Variants in GPX7 observed in about 807,000 individuals in gnomAD.
The protein encoded by GPX7 is glutathione peroxidase 7, also known as protein peroxidase GPX7.
GPX7 carries 21 observed loss-of-function variants against 23.7 expected under a neutral mutation model. The ratio of observed to expected loss-of-function variants is 0.89; its 90% CI spans 0.63 to 1.28. The LOEUF (loss-of-function observed/expected upper bound fraction) is 1.28. Among genes scored for constraint, GPX7 ranks in the 50% most tolerant of loss-of-function variants. The probability of loss-of-function intolerance (pLI) is 0.00; values close to 1 mark genes in which losing one functional copy is unlikely to be tolerated. For missense variants in GPX7, 238 were observed against 237.3 expected, an observed-to-expected ratio of 1.00 and a Z score of -0.02; for synonymous variants, 112 against 101.8, an observed-to-expected ratio of 1.10 and a Z score of -0.61.
intron 1 of GPX7, among the ~76,000 whole-genome samples, chr1:52,605,987 A>G (rs1161315737): frequency 6.6e-6 from 1 of 152,186 alleles, no homozygotes; most frequent in Non-Finnish European, 1.5e-5. Context: ...AAGTGGTGTT[A>G]GTTCTCTGGA....
chr1:52,608,373 A>G lies in GPX7; in HGVS notation c.512A>G (p.Gln171Arg), dbSNP rs776807448. Reference sequence around the variant, plus strand: ...GTGTCAGTGGAGGAGGTCAGACCCCAGATCACAGCGCTCGTGAGGAAGCTC... The same window carrying G: ...GTGTCAGTGGAGGAGGTCAGACCCCGGATCACAGCGCTCGTGAGGAAGCTC... ...PTVSVEEVRP[Q>R]ITALVRKLIL... Residue 171 changes from glutamine to arginine, a missense_variant, in exon 3 of 3, where the codon CAG (glutamine) becomes CGG (arginine). By Grantham distance (43) the Gln-to-Arg change is conservative (BLOSUM62 1). Coordinates refer to ENST00000361314, the MANE Select transcript of GPX7 (RefSeq NM_015696.5). 7 of 1,614,076 alleles carry G rather than the reference A, an allele frequency of 4.3e-6. No homozygotes were observed. Among genetic ancestry groups the G allele is most frequent in the Non-Finnish European group, 5.9e-6 (7 of 1,179,966 alleles).
At chr1:52,602,573 C>G (rs1274216736) in intron 1 of GPX7, 26 bp downstream of exon 1, 1 of 1,496,758 alleles carries the variant, frequency 6.7e-7, no homozygotes. Context: ...CTGGCGGCGC[C>G]GCTGGGCCCG....
chr1:52,607,656 A>C (rs1425023626), intron 2 of GPX7, among the ~76,000 whole-genome samples: 8 of 152,218 alleles, frequency 5.3e-5, no homozygotes, highest in Admixed American at 4.6e-4. Flanking sequence ...GAGAAGCAAG[A>C]GTGCAGCAAA....
intron 1 of GPX7, among the ~76,000 whole-genome samples, chr1:52,603,070 G>A (rs1417822923): frequency 6.6e-6 from 1 of 152,174 alleles, no homozygotes; most frequent in Non-Finnish European, 1.5e-5. Flanking sequence ...ATCCCTGGGA[G>A]AGGGCACAAA....
At position 52,606,774 on chromosome 1, in the gene GPX7, C is replaced by A; in HGVS notation, c.229C>A (p.His77Asn). 6.2e-7 allele frequency: 1 copy of A among 1,614,190 alleles called. No homozygotes were observed. Among genetic ancestry groups the A allele is most frequent in the African/African-American group, 1.3e-5 (1 of 75,042 alleles). ...LQQLQRDLGP[H>N]HFNVLAFPCN... ...GCAGCTGCAGCGAGACCTGGGCCCC[C>A]ACCACTTTAACGTGCTCGCCTTCCC... The change falls in exon 2 of 3, where the codon CAC becomes AAC. Residue 77 changes from histidine (H) to asparagine (N), a missense_variant. His to Asn is a moderately conservative substitution (Grantham distance 68). Transcript: ENST00000361314.
chr1:52,608,552 C>A lies in GPX7; in HGVS notation c.*127C>A. The A allele has an allele frequency of 1.4e-6, 1 of 721,158 alleles. No homozygotes were observed. Among genetic ancestry groups the A allele is most frequent in the African/African-American group, 1.8e-5 (1 of 55,170 alleles). The allele number at this position is 721,158 out of a possible 1,614,324, so 44.7% of individuals were successfully genotyped here. ...CTTCCTTTACTCTTATGCCATTGGTCCCATCATTCTTGTGGGGGAAAAATT... is the reference window on the plus strand; with the variant it reads ...CTTCCTTTACTCTTATGCCATTGGTACCATCATTCTTGTGGGGGAAAAATT... On this transcript the variant is annotated 3_prime_UTR_variant, in exon 3 of 3. Coordinates refer to ENST00000361314, the MANE Select transcript of GPX7 (RefSeq NM_015696.5).
intron 1 of GPX7, among the ~76,000 whole-genome samples, chr1:52,603,842 C>G (rs3753753): frequency 0.78 from 119,005 of 152,044 alleles, 46,889 homozygotes; most frequent in African/African-American, 0.88. Context: ...TTTGGTGGAT[C>G]CCAGCAGGAA....
chr1:52,606,939 C>G lies in GPX7; in HGVS notation c.394C>G (p.Leu132Val), dbSNP rs749207898. 1.2e-6 allele frequency: 2 copies of G among 1,614,080 alleles called. No homozygotes were observed. The highest frequency in any genetic ancestry group is 1.7e-6 in the Non-Finnish European group (2 of 1,179,936). ...GTGAHPAFKYLAQTSGKEPTW... is the reference protein window; with the variant it reads ...GTGAHPAFKYVAQTSGKEPTW... ...TGGTGCCCATCCTGCCTTCAAGTACCTGGCCCGTAAGTCCTGGTCTCTTCA... is the reference window on the plus strand; with the variant it reads ...TGGTGCCCATCCTGCCTTCAAGTACGTGGCCCGTAAGTCCTGGTCTCTTCA... Residue 132 changes from leucine (L) to valine (V), a missense_variant, in exon 2 of 3, where the codon CTG becomes GTG. Physicochemically the swap from Leu to Val is conservative, Grantham distance 32 (BLOSUM62 1). Coordinates refer to ENST00000361314, the MANE Select transcript of GPX7 (RefSeq NM_015696.5).
intron 1 of GPX7, among the ~76,000 whole-genome samples, chr1:52,604,588 G>C (rs1299312741): frequency 6.6e-6 from 1 of 152,172 alleles, no homozygotes; most frequent in African/African-American, 2.4e-5. Flanking sequence ...GTCTGTGTCT[G>C]TGCTTGTATA....
In GPX7 at chr1:52,602,565, G is replaced by A. The variant is rs577603011; in HGVS notation, c.138+18G>A. ...GCGGATCGGTGAGTGCGCGGGGTCT[G>A]GCGGCGCCGCTGGGCCCGGCCTCGC... On this transcript the variant is annotated intron_variant, in intron 1 of 2. Transcript: ENST00000361314. 7 of 1,527,398 alleles carry A rather than the reference G, an allele frequency of 4.6e-6. No individual in the cohort carries two copies. In the East Asian group the frequency reaches 1.9e-4, roughly 42 times the overall value. The allele number at this position is 1,527,398 out of a possible 1,614,324, so 94.6% of individuals were successfully genotyped here. A position where few individuals can be genotyped will look rare whatever the true frequency, so the allele number is the denominator to read the frequency against.
intron 1 of GPX7, among the ~76,000 whole-genome samples, chr1:52,603,872 C>A (rs556282758): frequency 1.3e-5 from 2 of 152,222 alleles, no homozygotes; most frequent in African/African-American, 4.8e-5. Flanking sequence ...GAACTCTGGG[C>A]AAAGAACCAA....
intron 2 of GPX7, chr1:52,607,176 C>T (rs1393994961): frequency 2.5e-5 from 14 of 567,928 alleles, no homozygotes; most frequent in Non-Finnish European, 3.1e-5. Flanking sequence ...CTGCCTCTCA[C>T]TTGTCCCTCA....
chr1:52,607,010 C>A (rs1370408348), intron 2 of GPX7, 65 bp downstream of exon 2: 19 of 1,557,724 alleles, frequency 1.2e-5, no homozygotes, highest in Non-Finnish European at 2.6e-6. Context: ...GCTCCCTGGG[C>A]AGCAGAAGCC....
At position 52,602,544 on chromosome 1, in the gene GPX7, A is replaced by T. The variant is rs150886014; in HGVS notation, c.135A>T (p.Gly45=). Residue 45 remains glycine, a synonymous_variant, in exon 1 of 3, where the codon GGA becomes GGT. Transcript: ENST00000361314. ...TGGTGTCGCTGGAGAAGTACCGCGG[A>T]TCGGTGAGTGCGCGGGGTCTGGCGG... The part of the protein sequence containing the change: ...GKLVSLEKYR[G]SVSLVVNVAS... 15 of 1,556,582 alleles carry T rather than the reference A, an allele frequency of 9.6e-6. No homozygotes were observed. The highest frequency in any genetic ancestry group is 1.3e-5 in the Non-Finnish European group (15 of 1,155,554).
chr1:52,608,319 G>T lies in GPX7; in HGVS notation c.458G>T (p.Gly153Val). 1 of 1,614,012 alleles carries T rather than the reference G, an allele frequency of 6.2e-7. No individual in the cohort carries two copies. The highest frequency in any genetic ancestry group is 1.1e-5 in the South Asian group (1 of 91,070). The change falls in exon 3 of 3, where the codon GGA becomes GTA. Residue 153 changes from glycine (G) to valine (V), a missense_variant. Coordinates refer to ENST00000361314, the MANE Select transcript of GPX7 (RefSeq NM_015696.5). ...NFWKYLVAPDGKVVGAWDPTV... is the reference protein window; with the variant it reads ...NFWKYLVAPDVKVVGAWDPTV... Reference sequence around the variant, plus strand: ...TGGAAGTACCTAGTAGCCCCAGATGGAAAGGTGGTAGGGGCTTGGGACCCA... The same window carrying T: ...TGGAAGTACCTAGTAGCCCCAGATGTAAAGGTGGTAGGGGCTTGGGACCCA...
At position 52,602,398 on chromosome 1, in the gene GPX7, C is replaced by G. The variant is rs1336648953; in HGVS notation, c.-12C>G. ...CTTTGCCCTCGCGACGCCGCCACCT[C>G]CGGAACAAGCCATGGTGGCGGCGAC... is the stretch of plus-strand genomic sequence containing the variant. On this transcript the variant is annotated 5_prime_UTR_variant, in exon 1 of 3. Coordinates refer to ENST00000361314, the MANE Select transcript of GPX7 (RefSeq NM_015696.5). 1 of 1,484,690 alleles carries G rather than the reference C, an allele frequency of 6.7e-7. No individual in the cohort carries two copies. The highest frequency in any genetic ancestry group is 8.9e-7 in the Non-Finnish European group (1 of 1,118,914). 92.0% of individuals were successfully genotyped at this position (1,484,690 alleles called of 1,614,324 possible).
Position 52,608,267 on chromosome 1 carries a change from T to C in GPX7, c.406T>C (p.Ser136Pro). ...TCTCCTTCCTTTTTCTCTAGAGACT[T>C]CTGGGAAGGAGCCCACCTGGAACTT... is the stretch of plus-strand genomic sequence containing the variant. ...HPAFKYLAQT[S>P]GKEPTWNFWK... Residue 136 changes from serine (S) to proline (P), a missense_variant, in exon 3 of 3, where the codon TCT becomes CCT. Coordinates refer to ENST00000361314, the MANE Select transcript of GPX7 (RefSeq NM_015696.5). 1 of 1,610,718 alleles carries C rather than the reference T, an allele frequency of 6.2e-7. No individual in the cohort carries two copies. The highest frequency in any genetic ancestry group is 8.5e-7 in the Non-Finnish European group (1 of 1,178,628).
intron 1 of GPX7, 75 bp downstream of exon 1, chr1:52,602,622 C>G (rs1415290660): frequency 1.1e-6 from 1 of 890,892 alleles, no homozygotes; most frequent in Admixed American, 4.5e-5. Context: ...CGCCCCGCAG[C>G]CCGGTCCCCC....
chr1:52,606,501 G>C (rs1048414149), intron 1 of GPX7, among the ~76,000 whole-genome samples, 183 bp from the exon 2 acceptor site: 2 of 152,212 alleles, frequency 1.3e-5, no homozygotes, highest in Admixed American at 1.3e-4. Flanking sequence ...CTGTGTGCAT[G>C]TGTTTGTGTA....
Sources: gnomAD v4.1 joint callset for allele counts (sites outside exome capture counted in the v4.1 genomes callset) on GRCh38, gnomAD v4.1.1 for gene constraint, MANE v1.5 for transcripts, NCBI Gene and HGNC (gene_info 2026-07-23, HGNC 2026-07-21) for gene names.